The following FAM114A1 variants were observed in gnomAD, a reference collection of about 807,000 sequenced individuals.
The protein encoded by FAM114A1 is protein NOXP20.
FAM114A1 carries 62 observed loss-of-function variants against 64.3 expected under a neutral mutation model. That is an observed-to-expected ratio of 0.96 (90% CI 0.79 to 1.19). The LOEUF (loss-of-function observed/expected upper bound fraction) is 1.19. FAM114A1 is among the 50% of genes most tolerant of loss of function. The pLI is 0.00. For synonymous variants in FAM114A1, 254 were observed against 251.1 expected, an observed-to-expected ratio of 1.01 and a Z score of -0.11; for missense variants, 645 against 676.3, an observed-to-expected ratio of 0.95 and a Z score of 0.51.
At chr4:38,934,343 T>C (rs1720903932) in intron 12 of FAM114A1, among the ~76,000 whole-genome samples, 1 of 152,178 alleles carries the variant, frequency 6.6e-6, no homozygotes, top group Non-Finnish European at 1.5e-5. Context: ...ATAGACTGAA[T>C]GGCTCTGGGA....
In FAM114A1 at chr4:38,943,639, C is replaced by T. The variant is rs553092226; in HGVS notation, c.*82C>T. 3.4e-5 allele frequency: 41 copies of T among 1,192,842 alleles called. 1 individual carries two copies. Among genetic ancestry groups the T allele is most frequent in the South Asian group, 2.8e-4 (22 of 78,892 alleles). The allele number at this position is 1,192,842 out of a possible 1,614,324, so 73.9% of individuals were successfully genotyped here. ...ACCATTTAAGGGGATGTTCTCTGTGCGCCTGGCCACAGACATCCATTTGAG... is the reference window on the plus strand; with the variant it reads ...ACCATTTAAGGGGATGTTCTCTGTGTGCCTGGCCACAGACATCCATTTGAG... On this transcript the variant is annotated 3_prime_UTR_variant, in exon 15 of 15. Coordinates refer to ENST00000358869, the MANE Select transcript of FAM114A1 (RefSeq NM_138389.4).
intron 2 of FAM114A1, among the ~76,000 whole-genome samples, chr4:38,869,807 A>T (rs775160661): frequency 1.3e-4 from 20 of 151,852 alleles, no homozygotes; most frequent in South Asian, 2.1e-4. Flanking sequence ...CATTTTTTTT[A>T]AAAAAATCCA....
intron 7 of FAM114A1, among the ~76,000 whole-genome samples, chr4:38,913,885 G>C (rs1271925606): frequency 1.3e-5 from 2 of 151,714 alleles, no homozygotes; most frequent in Non-Finnish European, 2.9e-5. Context: ...ATCACCTGAG[G>C]TCAGGAGTTC....
At chr4:38,915,490 A>G (rs962041240) in intron 8 of FAM114A1, among the ~76,000 whole-genome samples, 6 of 152,138 alleles carry the variant, frequency 3.9e-5, no homozygotes, top group African/African-American at 1.2e-4. Context: ...CAGGGTTTTA[A>G]TATATTTTGT....
intron 7 of FAM114A1, 21 bp from the exon 8 acceptor site, chr4:38,914,900 A>C: frequency 6.2e-7 from 1 of 1,612,080 alleles, no homozygotes; most frequent in Non-Finnish European, 8.5e-7. Context: ...TCCAGAGTAC[A>C]AACATTGTGT....
rs534307855 is a variant in FAM114A1, at chr4:38,914,411, C to A, written c.793-510C>A. The stretch of plus-strand genomic sequence containing the variant: ...GAAACCCTGTCTCTACCAAAAAATA[C>A]AAAAATTAGCTGGGCATGGTGGCAA... On this transcript the variant is annotated intron_variant, in intron 7 of 14. Coordinates refer to ENST00000358869, the MANE Select transcript of FAM114A1 (RefSeq NM_138389.4). 2.3e-4 allele frequency among the ~76,000 whole-genome samples: 35 copies of A among 151,678 alleles called. 1 individual carries two copies. The highest frequency in any genetic ancestry group is 8.8e-5 in the Non-Finnish European group (6 of 67,912).
At chr4:38,895,474 T>A (rs1579325711) in intron 4 of FAM114A1, among the ~76,000 whole-genome samples, 1 of 152,294 alleles carries the variant, frequency 6.6e-6, no homozygotes, top group Non-Finnish European at 1.5e-5. Flanking sequence ...ATTCAACTGA[T>A]CAAGGACCTT....
chr4:38,915,862 T>C (rs568857527), intron 8 of FAM114A1, among the ~76,000 whole-genome samples: 56 of 152,098 alleles, frequency 3.7e-4, no homozygotes, highest in African/African-American at 1.3e-3. Flanking sequence ...TGTTAACTTA[T>C]TTAACTGTAT....
chr4:38,916,614 A>G (rs979696244), intron 8 of FAM114A1, among the ~76,000 whole-genome samples: 2 of 152,186 alleles, frequency 1.3e-5, no homozygotes, highest in African/African-American at 4.8e-5. Context: ...AACAATGAGA[A>G]CATATGGACA....
chr4:38,894,000 T>C (rs1265097992), intron 4 of FAM114A1, among the ~76,000 whole-genome samples: 1 of 151,902 alleles, frequency 6.6e-6, no homozygotes, highest in Non-Finnish European at 1.5e-5. Context: ...CCATCTCTAC[T>C]AAAAATACAA....
Position 38,878,239 on chromosome 4 carries a change from A to G in FAM114A1, c.161A>G (p.Glu54Gly). 1 of 1,614,210 alleles carries G rather than the reference A, an allele frequency of 6.2e-7. No individual in the cohort carries two copies. Among genetic ancestry groups the G allele is most frequent in the Non-Finnish European group, 8.5e-7 (1 of 1,180,048 alleles). Residue 54 changes from glutamate (E) to glycine (G), a missense_variant, in exon 3 of 15, where the codon GAA becomes GGA. Transcript: ENST00000358869. ...GCTGACCCCAGAGGGGAGGGGCATG[A>G]AAATGCAGCTGTGCAGGGTGCAGGG... The part of the protein sequence containing the change: ...TPADPRGEGH[E>G]NAAVQGAGAA...
At chr4:38,932,525 C>T (rs911188626) in intron 12 of FAM114A1, 151 bp downstream of exon 12, 9 of 831,220 alleles carry the variant, frequency 1.1e-5, no homozygotes, top group Non-Finnish European at 1.6e-5. Flanking sequence ...GAGACGGGAT[C>T]TCACTCTGTC....
chr4:38,889,544 G>C (rs1368951168), intron 3 of FAM114A1, among the ~76,000 whole-genome samples: 2 of 152,116 alleles, frequency 1.3e-5, no homozygotes, highest in Admixed American at 6.6e-5. Flanking sequence ...TATTTCTTTT[G>C]ATCTTCACGA....
At chr4:38,932,172 A>C (rs1720696800) in intron 11 of FAM114A1, 63 bp from the exon 12 acceptor site, 1 of 1,524,096 alleles carries the variant, frequency 6.6e-7, no homozygotes, top group African/African-American at 1.4e-5. Flanking sequence ...CTAATGTCAC[A>C]GCATTTTTTT....
At chr4:38,879,440 C>T (rs1220976406) in intron 3 of FAM114A1, among the ~76,000 whole-genome samples, 2 of 152,184 alleles carry the variant, frequency 1.3e-5, no homozygotes, top group East Asian at 1.9e-4. Context: ...AATGTCTCTG[C>T]GCTTCAGGTT....
intron 3 of FAM114A1, among the ~76,000 whole-genome samples, chr4:38,880,800 C>T (rs905307014): frequency 5.9e-5 from 9 of 152,232 alleles, no homozygotes; most frequent in African/African-American, 1.9e-4. Context: ...TTAAACTATA[C>T]AAGCTCTACT....
chr4:38,918,636 A>G (rs1365322838), intron 8 of FAM114A1, among the ~76,000 whole-genome samples: 1 of 152,130 alleles, frequency 6.6e-6, no homozygotes, highest in African/African-American at 2.4e-5. Flanking sequence ...TTATCTGGCA[A>G]CCCTACACAT....
chr4:38,925,139 G>A (rs1435280794), intron 9 of FAM114A1, among the ~76,000 whole-genome samples: 4 of 152,178 alleles, frequency 2.6e-5, no homozygotes, highest in Admixed American at 2.6e-4. Flanking sequence ...AAAACCTGAA[G>A]TGCGAACAGC....
chr4:38,891,630 T>C (rs1345453491), intron 3 of FAM114A1, 113 bp from the exon 4 acceptor site: 2 of 851,620 alleles, frequency 2.3e-6, no homozygotes, highest in Admixed American at 3.0e-5. Flanking sequence ...GCCAATTAGA[T>C]ACGGTTGTTG....
Sources: gnomAD v4.1 joint callset for allele counts (sites outside exome capture counted in the v4.1 genomes callset) on GRCh38, gnomAD v4.1.1 for gene constraint, MANE v1.5 for transcripts, NCBI Gene and HGNC (gene_info 2026-07-23, HGNC 2026-07-21) for gene names.